The following PTPRK variants were observed in gnomAD, a reference collection of about 807,000 sequenced individuals.
The protein encoded by PTPRK is protein tyrosine phosphatase receptor type K, also known as receptor-type tyrosine-protein phosphatase kappa.
Under a neutral mutation model 178.0 loss-of-function variants are expected in PTPRK, and 75 were observed. That is an observed-to-expected ratio of 0.42 (90% CI 0.35 to 0.51). PTPRK has a LOEUF of 0.51. PTPRK is among the 20% of genes least tolerant of loss of function. The pLI is 0.02. For missense variants in PTPRK, 1,441 were observed against 1,797.8 expected (o/e 0.80, Z 3.59); for synonymous variants, 637 against 620.6 (o/e 1.03, Z -0.39).
chr6:127,971,599 A>G (rs1773906853), intron 29 of PTPRK, among the ~76,000 whole-genome samples: 1 of 152,138 alleles, frequency 6.6e-6, no homozygotes, highest in South Asian at 2.1e-4. Flanking sequence ...TCACTAAACT[A>G]ATCATCAACA....
chr6:128,308,105 C>A (rs1826700770), intron 3 of PTPRK, among the ~76,000 whole-genome samples: 1 of 151,626 alleles, frequency 6.6e-6, no homozygotes, highest in African/African-American at 2.4e-5. Flanking sequence ...AAAATGATTA[C>A]CACTACATAA....
At chr6:128,141,876 G>A (rs1795817915) in intron 7 of PTPRK, among the ~76,000 whole-genome samples, 1 of 151,730 alleles carries the variant, frequency 6.6e-6, no homozygotes, top group Non-Finnish European at 1.5e-5. Context: ...ATTATTTTCT[G>A]GTTTTGCTTT....
Position 128,447,121 on chromosome 6 carries a change from T to C in PTPRK, c.101-49433A>G, listed in dbSNP as rs369970299. 2.2e-4 allele frequency among the ~76,000 whole-genome samples: 33 copies of C among 152,312 alleles called. 1 individual carries two copies. In the South Asian group the frequency reaches 4.6e-3, roughly 21 times the overall value. On this transcript the variant is annotated intron_variant, in intron 1 of 29. Coordinates refer to ENST00000368226, the MANE Select transcript of PTPRK (RefSeq NM_002844.4). ...CCACTTTAATGAAAAAAAGATAGCATCACTCTCTATGAAATCATTACCAAC... is the reference window on the plus strand; with the variant it reads ...CCACTTTAATGAAAAAAAGATAGCACCACTCTCTATGAAATCATTACCAAC...
intron 13 of PTPRK, among the ~76,000 whole-genome samples, chr6:128,030,249 G>A (rs1182417843): frequency 1.3e-5 from 2 of 152,138 alleles, no homozygotes; most frequent in Non-Finnish European, 2.9e-5. Flanking sequence ...CGGAAACTGG[G>A]CATTTTACAG....
intron 1 of PTPRK, among the ~76,000 whole-genome samples, chr6:128,482,693 A>T (rs1194520565): frequency 6.6e-6 from 1 of 152,162 alleles, no homozygotes; most frequent in Non-Finnish European, 1.5e-5. Context: ...TCTGCTACTG[A>T]TGAACACACA....
intron 3 of PTPRK, among the ~76,000 whole-genome samples, chr6:128,315,297 G>C (rs1447500214): frequency 6.6e-6 from 1 of 151,908 alleles, no homozygotes; most frequent in African/African-American, 2.4e-5. Flanking sequence ...TTATTTTATT[G>C]AATTATTACT....
chr6:128,358,945 G>T (rs977401675), intron 2 of PTPRK, among the ~76,000 whole-genome samples: 2 of 152,192 alleles, frequency 1.3e-5, no homozygotes, highest in Non-Finnish European at 2.9e-5. Context: ...TGGGGAGAAT[G>T]ATATACATGG....
chr6:128,388,137 C>G (rs1331825775), intron 2 of PTPRK, among the ~76,000 whole-genome samples: 1 of 152,156 alleles, frequency 6.6e-6, no homozygotes. Context: ...CTTTGAAACT[C>G]TACTTACAGA....
rs77424426 is a variant in PTPRK at position 128,258,682 on chromosome 6, C to A, written c.496-16080G>T. On this transcript the variant is annotated intron_variant, in intron 3 of 29. Coordinates refer to ENST00000368226, the MANE Select transcript of PTPRK (RefSeq NM_002844.4). Reference sequence around the variant, plus strand: ...TGGAACAGTGACCAAAGTGCTAAGGCAAGGAGGCAAAGGAGTTAACGAACA... The same window carrying A: ...TGGAACAGTGACCAAAGTGCTAAGGAAAGGAGGCAAAGGAGTTAACGAACA... Among the ~76,000 whole-genome samples the A allele has an allele frequency of 6.0e-3, 914 of 152,206 alleles. 10 individuals are homozygous for A. The highest frequency in any genetic ancestry group is 0.021 in the African/African-American group (866 of 41,518).
chr6:128,121,447 G>A (rs1792449670), intron 7 of PTPRK, among the ~76,000 whole-genome samples: 1 of 151,828 alleles, frequency 6.6e-6, no homozygotes. Context: ...TGTGTGTGAG[G>A]CTATCCAGGT....
intron 2 of PTPRK, among the ~76,000 whole-genome samples, chr6:128,365,369 T>C (rs764560489): frequency 1.3e-5 from 2 of 152,092 alleles, no homozygotes; most frequent in Non-Finnish European, 2.9e-5. Context: ...TGAAATGTCA[T>C]TTGAGATTTG....
intron 5 of PTPRK, chr6:128,230,783 T>A (rs529970264): frequency 6.6e-6 from 1 of 152,212 alleles, no homozygotes; most frequent in South Asian, 2.1e-4. Context: ...ATATTGTTCT[T>A]GCACAGAAAG....
chr6:128,422,330 T>G (rs1843573738), intron 1 of PTPRK, among the ~76,000 whole-genome samples: 1 of 151,826 alleles, frequency 6.6e-6, no homozygotes, highest in Non-Finnish European at 1.5e-5. Flanking sequence ...ACTAGGAAAC[T>G]CAATGGTCAT....
chr6:128,283,160 C>T (rs1421685039), intron 3 of PTPRK, among the ~76,000 whole-genome samples: 1 of 152,164 alleles, frequency 6.6e-6, no homozygotes, highest in Admixed American at 6.5e-5. Context: ...GCCCCCAAGG[C>T]TCACTCCTTT....
intron 25 of PTPRK, among the ~76,000 whole-genome samples, chr6:127,980,189 A>T (rs1775138405): frequency 6.6e-6 from 1 of 152,244 alleles, no homozygotes; most frequent in South Asian, 2.1e-4. Context: ...GCATGCCTGT[A>T]GTCCCAGCTA....
intron 12 of PTPRK, 167 bp downstream of exon 12, chr6:128,067,351 AG>A: frequency 1.7e-6 from 1 of 589,608 alleles, no homozygotes; most frequent in Non-Finnish European, 2.5e-6. Flanking sequence ...GTGCGGCCTC[AG>A]CCCTACTGTA....
chr6:128,403,348 A>G (rs183024120), intron 1 of PTPRK, among the ~76,000 whole-genome samples: 2 of 152,360 alleles, frequency 1.3e-5, no homozygotes, highest in Admixed American at 6.5e-5. Flanking sequence ...ACATCTATGA[A>G]TAAGGCTTAA....
At chr6:128,069,500 C>A (rs140629693) in intron 11 of PTPRK, among the ~76,000 whole-genome samples, 125 of 152,196 alleles carry the variant, frequency 8.2e-4, no homozygotes, top group African/African-American at 2.9e-3. Flanking sequence ...TCATAGCTGA[C>A]ATATGCTATG....
chr6:128,376,977 C>A (rs556949366), intron 2 of PTPRK, among the ~76,000 whole-genome samples: 1 of 152,166 alleles, frequency 6.6e-6, no homozygotes, highest in Non-Finnish European at 1.5e-5. Flanking sequence ...TTGGTCAAAG[C>A]CAAATGTCAA....
Sources: allele counts gnomAD v4.1 joint callset (sites outside exome capture counted in the v4.1 genomes callset), GRCh38; gene constraint gnomAD v4.1.1; transcripts MANE v1.5; gene names NCBI Gene and HGNC (gene_info 2026-07-23, HGNC 2026-07-21).